The following COL13A1 variants were observed in gnomAD, a reference collection of about 807,000 sequenced individuals.
COL13A1 encodes the protein collagen alpha-1(XIII) chain.
In COL13A1, 89 loss-of-function variants were observed where a neutral mutation model predicts 130.9. That is an observed-to-expected ratio of 0.68 (90% confidence interval 0.57 to 0.81). COL13A1 has a LOEUF of 0.81. Among genes scored for constraint, COL13A1 ranks in the 30% least tolerant of loss-of-function variants. The pLI, the probability that COL13A1 is intolerant of heterozygous loss-of-function variation, is 0.00. For synonymous variants in COL13A1, 402 were observed against 341.6 expected, an observed-to-expected ratio of 1.18 and a Z score of -1.95; for missense variants, 879 against 934.6, an observed-to-expected ratio of 0.94 and a Z score of 0.78.
intron 2 of COL13A1, among the ~76,000 whole-genome samples, chr10:69,830,129 T>C (rs1848469661): frequency 6.6e-6 from 1 of 152,206 alleles, no homozygotes; most frequent in South Asian, 2.1e-4. Context: ...TGGGCTTTGG[T>C]TTCCTCGCTG....
intron 2 of COL13A1, among the ~76,000 whole-genome samples, chr10:69,854,262 C>A (rs952358702): frequency 1.3e-5 from 2 of 152,180 alleles, no homozygotes; most frequent in Non-Finnish European, 2.9e-5. Flanking sequence ...AAGGCCCTTT[C>A]TATTCAAAAG....
chr10:69,845,349 C>G (rs930852494), intron 2 of COL13A1, among the ~76,000 whole-genome samples: 1 of 152,000 alleles, frequency 6.6e-6, no homozygotes, highest in Non-Finnish European at 1.5e-5. Flanking sequence ...CCCACCACCA[C>G]GCCTGGCTAA....
At chr10:69,906,011 C>T (rs952817884) in intron 17 of COL13A1, among the ~76,000 whole-genome samples, 189 bp downstream of exon 17, 12 of 152,226 alleles carry the variant, frequency 7.9e-5, no homozygotes, top group African/African-American at 2.4e-4. Flanking sequence ...TCCACCTAGG[C>T]AGAGTTCTTT....
intron 2 of COL13A1, among the ~76,000 whole-genome samples, chr10:69,841,650 T>C (rs747117025): frequency 6.6e-6 from 1 of 152,034 alleles, no homozygotes; most frequent in African/African-American, 2.4e-5. Context: ...CCAGCAAATA[T>C]AAAATTGCAA....
intron 14 of COL13A1, 84 bp downstream of exon 14, chr10:69,898,846 CCTCT>C: frequency 9.5e-7 from 1 of 1,053,506 alleles, no homozygotes; most frequent in South Asian, 1.6e-5. Flanking sequence ...AAAGCCAGAA[CCTCT>C]CTCTAATTCA....
chr10:69,957,694 C>G (rs1038488225), intron 40 of COL13A1, among the ~76,000 whole-genome samples: 1 of 152,218 alleles, frequency 6.6e-6, no homozygotes, highest in Non-Finnish European at 1.5e-5. Context: ...CATGGCTCCC[C>G]AGAGCACAGG....
At chr10:69,824,995 C>T (rs1301657361) in intron 2 of COL13A1, among the ~76,000 whole-genome samples, 2 of 152,164 alleles carry the variant, frequency 1.3e-5, no homozygotes, top group African/African-American at 4.8e-5. Flanking sequence ...CTGCTGGGTC[C>T]CCTGCCCTGC....
At chr10:69,902,691 G>A (rs2062324926) in intron 14 of COL13A1, 57 bp from the exon 15 acceptor site, 2 of 1,435,296 alleles carry the variant, frequency 1.4e-6, no homozygotes, top group Non-Finnish European at 1.9e-6. Flanking sequence ...CTGAGGGTGG[G>A]GGACGGTCTG....
intron 3 of COL13A1, 107 bp downstream of exon 3, chr10:69,867,912 G>A: frequency 1.4e-6 from 1 of 704,368 alleles, no homozygotes; most frequent in Non-Finnish European, 2.6e-6. Flanking sequence ...CTGTCTTGTT[G>A]GGGGCCTATG....
chr10:69,939,439 G>A (rs1030846861), intron 34 of COL13A1, among the ~76,000 whole-genome samples: 2 of 152,234 alleles, frequency 1.3e-5, no homozygotes, highest in Admixed American at 6.5e-5. Context: ...TGGCCTGAAA[G>A]CCTCTAATTT....
chr10:69,908,223 C>T (rs569699706), intron 17 of COL13A1, among the ~76,000 whole-genome samples: 36 of 152,298 alleles, frequency 2.4e-4, no homozygotes, highest in South Asian at 8.3e-4. Flanking sequence ...GCACATTCCT[C>T]GCACACTGCA....
At chr10:69,821,526 G>A (rs373353366) in intron 1 of COL13A1, among the ~76,000 whole-genome samples, 4 of 152,164 alleles carry the variant, frequency 2.6e-5, no homozygotes, top group South Asian at 2.1e-4. Flanking sequence ...TTCTAACTTC[G>A]CAGTAATCCA....
intron 9 of COL13A1, 95 bp from the exon 10 acceptor site, chr10:69,889,319 A>G: frequency 3.4e-6 from 3 of 875,878 alleles, no homozygotes; most frequent in Non-Finnish European, 4.5e-6. Flanking sequence ...GGGGGCAGGG[A>G]GGAGCACAGG....
At chr10:69,843,265 G>C (rs1852104720) in intron 2 of COL13A1, among the ~76,000 whole-genome samples, 1 of 152,126 alleles carries the variant, frequency 6.6e-6, no homozygotes, top group African/African-American at 2.4e-5. Context: ...CCACGGCCTA[G>C]GAGCGAGAAG....
At chr10:69,884,728 A>C (rs915865740) in intron 7 of COL13A1, among the ~76,000 whole-genome samples, 1 of 152,226 alleles carries the variant, frequency 6.6e-6, no homozygotes, top group African/African-American at 2.4e-5. Context: ...TTTTGTATAC[A>C]TTTAATGTGA....
chr10:69,925,807 T>C lies in COL13A1; in HGVS notation c.1333T>C (p.Ser445Pro), dbSNP rs1023879363. Residue 445 changes from serine to proline, a missense_variant, in exon 26 of 41, where the codon TCC (serine) becomes CCC (proline). Around this residue, in one of 3 missense-constraint regions of COL13A1, gnomAD observed 715 missense variants for 721.0 expected, o/e 0.99. Coordinates refer to ENST00000645393, the MANE Select transcript of COL13A1 (RefSeq NM_001368882.1). ...TGAGATCTCATTTGCCTTCCAGGGC[T>C]CCAAGGGAGAACCAGGGAAAGGAGA... is the stretch of plus-strand genomic sequence containing the variant. ...GEQGPDGPKG[S>P]KGEPGKGEMV... 6.9e-6 allele frequency: 11 copies of C among 1,596,128 alleles called. No individual in the cohort carries two copies. Among genetic ancestry groups the C allele is most frequent in the Non-Finnish European group, 9.4e-6 (11 of 1,171,400 alleles).
intron 40 of COL13A1, 107 bp downstream of exon 40, chr10:69,957,149 C>A: frequency 4.4e-6 from 4 of 918,952 alleles, no homozygotes; most frequent in South Asian, 4.1e-5. Flanking sequence ...AGACATAGGT[C>A]AAATAGTCAC....
intron 14 of COL13A1, among the ~76,000 whole-genome samples, chr10:69,899,836 C>T (rs917738639): frequency 1.1e-4 from 17 of 152,182 alleles, no homozygotes; most frequent in African/African-American, 4.1e-4. Flanking sequence ...CTAGCAGTGG[C>T]AGGGCTCTGA....
chr10:69,938,838 T>C (rs1174730875), intron 34 of COL13A1, among the ~76,000 whole-genome samples: 1 of 152,200 alleles, frequency 6.6e-6, no homozygotes, highest in Non-Finnish European at 1.5e-5. Context: ...GCAGGCATTT[T>C]CCCATGTCTT....
Sources: gnomAD v4.1 joint callset for allele counts (sites outside exome capture counted in the v4.1 genomes callset) on GRCh38, gnomAD v4.1.1 for gene constraint, gnomAD v4.1.1 regional missense constraint, MANE v1.5 for transcripts, NCBI Gene and HGNC (gene_info 2026-07-23, HGNC 2026-07-21) for gene names.